Variants in CACNA1B observed in about 807,000 individuals in gnomAD.
The protein encoded by CACNA1B is calcium voltage-gated channel subunit alpha1 B.
Under a neutral mutation model 247.2 loss-of-function variants are expected in CACNA1B, and 70 were observed. The observed-to-expected ratio is 0.28, with a 90% CI of 0.23 to 0.35. The LOEUF is 0.35. Among genes scored for constraint, CACNA1B ranks in the 10% least tolerant of loss-of-function variants. The pLI is 1.00. For synonymous variants in CACNA1B, 1,231 were observed against 1,294.4 expected, an observed-to-expected ratio of 0.95 and a Z score of 1.05; for missense variants, 2,367 against 3,197.4, an observed-to-expected ratio of 0.74 and a Z score of 6.26.
chr9:137,920,494 G>C (rs1192417531), intron 6 of CACNA1B, among the ~76,000 whole-genome samples: 3 of 152,200 alleles, frequency 2.0e-5, no homozygotes, highest in African/African-American at 7.2e-5. Context: ...ACCACACCTG[G>C]CCTGAACACT....
In CACNA1B at chr9:137,990,313, A is replaced by G. The variant is rs1228568858; in HGVS notation, c.1974+3459A>G. On this transcript the variant is annotated intron_variant, in intron 15 of 46. Coordinates refer to ENST00000371372, the MANE Select transcript of CACNA1B (RefSeq NM_000718.4). The surrounding 1 kb of genome is among the most constrained non-coding windows in gnomAD (Gnocchi z 4.5). Reference sequence around the variant, plus strand: ...CAGCCACAGCAAGCCCCGCCCAAGCAGAGTCTGAGCTCAGACACCCTATTC... The same window carrying G: ...CAGCCACAGCAAGCCCCGCCCAAGCGGAGTCTGAGCTCAGACACCCTATTC... Among the ~76,000 whole-genome samples the G allele has an allele frequency of 6.6e-6, 1 of 152,046 alleles. No homozygotes were observed. The highest frequency in any genetic ancestry group is 1.5e-5 in the Non-Finnish European group (1 of 67,988).
chr9:138,035,329 GGTGCCT>G (rs1367906846), intron 20 of CACNA1B, among the ~76,000 whole-genome samples: 1 of 152,092 alleles, frequency 6.6e-6, no homozygotes, highest in East Asian at 1.9e-4. Flanking sequence ...TGTGGTGATG[GGTGCCT>G]GTAATCCTAG....
At chr9:137,975,810 C>A (rs1226020100) in intron 11 of CACNA1B, 97 bp from the exon 12 acceptor site, 3 of 758,624 alleles carry the variant, frequency 4.0e-6, no homozygotes, top group African/African-American at 3.5e-5. Flanking sequence ...AGGCTCAGCC[C>A]TGGGAAGGCC....
Position 138,006,777 on chromosome 9 carries a change from G to C in CACNA1B, c.1985G>C (p.Gly662Ala), listed in dbSNP as rs779063763. ...AILTVFQILT[G>A]EDWNAVMYHG... Reference sequence around the variant, plus strand: ...TCTCCATCCTGGCAGATCCTGACGGGAGAGGACTGGAATGCAGTGATGTAT... The same window carrying C: ...TCTCCATCCTGGCAGATCCTGACGGCAGAGGACTGGAATGCAGTGATGTAT... Residue 662 changes from glycine (G) to alanine (A), a missense_variant, in exon 16 of 47, where the codon GGA becomes GCA. Physicochemically the swap from Gly to Ala is moderately conservative, Grantham distance 60. Transcript: ENST00000371372. 1 of 1,599,360 alleles carries C rather than the reference G, an allele frequency of 6.3e-7. No homozygotes were observed. Among genetic ancestry groups the C allele is most frequent in the Non-Finnish European group, 8.6e-7 (1 of 1,166,674 alleles).
chr9:137,949,061 ATGTGTGTAG>A (rs1429849183), intron 6 of CACNA1B, among the ~76,000 whole-genome samples: 1 of 51,188 alleles, frequency 2.0e-5, no homozygotes, highest in Non-Finnish European at 3.9e-5. Flanking sequence ...GGTGTGAAGT[ATGTGTGTAG>A]TGTGTGTGGT....
rs201613025 is a variant in CACNA1B, at chr9:138,059,066, A to G, written c.4474-13A>G. The G allele has an allele frequency of 7.8e-6, 12 of 1,546,466 alleles. No homozygotes were observed. The highest frequency in any genetic ancestry group is 1.4e-5 in the African/African-American group (1 of 73,658). Reference sequence around the variant, plus strand: ...GCCAAACCCATGGCCAACAGTGCCTATTCCCCGGGCAGTTCTATGATGCAC... The same window carrying G: ...GCCAAACCCATGGCCAACAGTGCCTGTTCCCCGGGCAGTTCTATGATGCAC... On this transcript the variant is annotated splice_polypyrimidine_tract_variant and intron_variant, in intron 29 of 46. Coordinates refer to ENST00000371372, the MANE Select transcript of CACNA1B (RefSeq NM_000718.4). The surrounding 1 kb of genome is among the most constrained non-coding windows in gnomAD (Gnocchi z 4.2).
At chr9:137,932,031 T>C (rs943436981) in intron 6 of CACNA1B, among the ~76,000 whole-genome samples, 9 of 152,088 alleles carry the variant, frequency 5.9e-5, no homozygotes, top group African/African-American at 2.2e-4. Context: ...AAAACAGCAT[T>C]TTTCCTCTAG....
chr9:137,907,688 TC>T lies in CACNA1B; in HGVS notation c.531-5491del, dbSNP rs756745128. On this transcript the variant is annotated intron_variant, in intron 3 of 46. Coordinates refer to ENST00000371372, the MANE Select transcript of CACNA1B (RefSeq NM_000718.4). Reference sequence around the variant, plus strand: ...TCAGAAAACCAATTCTTTTTCATTTTCTTTATGCTGTCTTTTATGGTGTGGT... The same window carrying T: ...TCAGAAAACCAATTCTTTTTCATTTTTTTATGCTGTCTTTTATGGTGTGGT... 7.9e-5 allele frequency among the ~76,000 whole-genome samples: 12 copies of T among 152,258 alleles called. No individual in the cohort carries two copies. The East Asian group carries it at 2.1e-3, about 27-fold the overall frequency.
In CACNA1B at chr9:137,882,021, C is replaced by T. The variant is rs1251462484; in HGVS notation, c.391-723C>T. Among the ~76,000 whole-genome samples the T allele has an allele frequency of 1.3e-5, 2 of 152,238 alleles. No individual in the cohort carries two copies. The highest frequency in any genetic ancestry group is 4.8e-5 in the African/African-American group (2 of 41,470). ...TCCCAGCTTCAGGCTCAGACTGTGGCTGGCTGCCTCCAGGGTCCTCACAGA... is the reference window on the plus strand; with the variant it reads ...TCCCAGCTTCAGGCTCAGACTGTGGTTGGCTGCCTCCAGGGTCCTCACAGA... On this transcript the variant is annotated intron_variant, in intron 2 of 46. Coordinates refer to ENST00000371372, the MANE Select transcript of CACNA1B (RefSeq NM_000718.4). The surrounding 1 kb of genome is among the most constrained non-coding windows in gnomAD (Gnocchi z 4.0).
chr9:138,119,241 C>T (rs1031285339), intron 44 of CACNA1B, among the ~76,000 whole-genome samples: 17 of 152,160 alleles, frequency 1.1e-4, no homozygotes, highest in Non-Finnish European at 2.2e-4. Context: ...CTACCCAGCT[C>T]CTTGCTGGGC....
chr9:137,879,449 G>A (rs1294712382), intron 2 of CACNA1B, among the ~76,000 whole-genome samples: 1 of 152,218 alleles, frequency 6.6e-6, no homozygotes, highest in Non-Finnish European at 1.5e-5. Context: ...GCTAGACTTT[G>A]ATCCAGAAAA....
At chr9:138,076,707 C>T (rs1338210866) in intron 35 of CACNA1B, among the ~76,000 whole-genome samples, 1 of 152,200 alleles carries the variant, frequency 6.6e-6, no homozygotes, top group East Asian at 1.9e-4. Flanking sequence ...TCCTGAGTCT[C>T]CCACAGTTTA....
At position 137,889,059 on chromosome 9, in the gene CACNA1B, C is replaced by T. The variant is rs1430303554; in HGVS notation, c.530+6176C>T. 6.4e-4 allele frequency among the ~76,000 whole-genome samples: 96 copies of T among 149,854 alleles called. 5 individuals carry two copies. Among genetic ancestry groups the T allele is most frequent in the Non-Finnish European group, 8.2e-4 (55 of 66,716 alleles). The stretch of plus-strand genomic sequence containing the variant: ...CCAGAGACGCTGCCTTCCCGCAAGG[C>T]GACCTGACGCTGTGTCTGAACACAG... On this transcript the variant is annotated intron_variant, in intron 3 of 46. Coordinates refer to ENST00000371372, the MANE Select transcript of CACNA1B (RefSeq NM_000718.4).
At chr9:138,005,344 A>C (rs181539716) in intron 15 of CACNA1B, among the ~76,000 whole-genome samples, 1 of 152,228 alleles carries the variant, frequency 6.6e-6, no homozygotes, top group Admixed American at 6.5e-5. Flanking sequence ...TCATTAAGTT[A>C]AGTGAAATAA....
At chr9:138,104,192 G>T (rs1415560752) in intron 38 of CACNA1B, among the ~76,000 whole-genome samples, 1 of 152,234 alleles carries the variant, frequency 6.6e-6, no homozygotes, top group African/African-American at 2.4e-5. Flanking sequence ...ACCTTGGAGG[G>T]CCCAGGGCAG....
At chr9:138,109,995 A>G (rs1023105389) in intron 39 of CACNA1B, among the ~76,000 whole-genome samples, 2 of 152,228 alleles carry the variant, frequency 1.3e-5, no homozygotes, top group African/African-American at 4.8e-5. Context: ...CGGAGGTTGC[A>G]GTGAGCCAAG....
chr9:137,956,981 G>T (rs541987785), intron 9 of CACNA1B, among the ~76,000 whole-genome samples, 154 bp downstream of exon 9: 4 of 152,324 alleles, frequency 2.6e-5, no homozygotes, highest in Non-Finnish European at 5.9e-5. Context: ...GGGCCATGGT[G>T]TCTGACCCTG....
rs1294309266 is a variant in CACNA1B, at chr9:138,050,259, G to A, written c.3710+944G>A. Among the ~76,000 whole-genome samples the A allele has an allele frequency of 6.6e-6, 1 of 152,218 alleles. No homozygotes were observed. The highest frequency in any genetic ancestry group is 6.5e-5 in the Admixed American group (1 of 15,288). ...AGGGGTTCCTGCCATGCCTCTGGGA[G>A]CGGGGCGGGGAGCTGGGCTGGAGCT... On this transcript the variant is annotated intron_variant, in intron 24 of 46. Transcript: ENST00000371372. The surrounding 1 kb of genome is among the most constrained non-coding windows in gnomAD (Gnocchi z 5.2).
Position 138,006,674 on chromosome 9 carries a change from G to A in CACNA1B, c.1975-93G>A, listed in dbSNP as rs575204029. On this transcript the variant is annotated intron_variant, in intron 15 of 46. Coordinates refer to ENST00000371372, the MANE Select transcript of CACNA1B (RefSeq NM_000718.4). ...TGTGGACGTGGCAGTGCGCGTGGAC[G>A]TGGCGGTGCACATGCACTCATGTGG... 27 of 718,050 alleles carry A rather than the reference G, an allele frequency of 3.8e-5. No homozygotes were observed. In the South Asian group the frequency reaches 3.8e-4, roughly 10 times the overall value. The allele number at this position is 718,050 out of a possible 1,614,324, so 44.5% of individuals were successfully genotyped here. A position where few individuals can be genotyped will look rare whatever the true frequency, so the allele number is the denominator to read the frequency against.
Sources: allele counts gnomAD v4.1 joint callset (sites outside exome capture counted in the v4.1 genomes callset), GRCh38; gene constraint gnomAD v4.1.1; non-coding constraint Gnocchi (gnomAD v3.1); transcripts MANE v1.5; gene names NCBI Gene and HGNC (gene_info 2026-07-23, HGNC 2026-07-21).